Variants in USP3 observed in about 807,000 individuals in gnomAD.
USP3 encodes the protein ubiquitin specific peptidase 3.
Under a neutral mutation model 72.3 loss-of-function variants are expected in USP3, and 20 were observed. That is an observed-to-expected ratio of 0.28 (90% CI 0.19 to 0.40). The LOEUF (loss-of-function observed/expected upper bound fraction) is 0.40. USP3 is among the 10% of genes least tolerant of loss of function. The probability of loss-of-function intolerance (pLI) is 1.00; values close to 1 mark genes in which losing one functional copy is unlikely to be tolerated. For missense variants in USP3, 479 were observed against 633.9 expected (o/e 0.76, Z 2.62); for synonymous variants, 222 against 225.3 (o/e 0.99, Z 0.13).
intron 1 of USP3, among the ~76,000 whole-genome samples, chr15:63,526,056 T>C (rs1212382754): frequency 6.6e-6 from 1 of 152,216 alleles, no homozygotes; most frequent in African/African-American, 2.4e-5. Flanking sequence ...TCTTTAAATT[T>C]AAAACACTTT....
chr15:63,577,028 G>GTTTT (rs1005523098), intron 11 of USP3, among the ~76,000 whole-genome samples: 10 of 152,082 alleles, frequency 6.6e-5, no homozygotes, highest in African/African-American at 2.4e-4. Flanking sequence ...GTTAAGCTTA[G>GTTTT]TTTTCCTTTA....
intron 9 of USP3, among the ~76,000 whole-genome samples, chr15:63,572,727 T>A (rs1459747750): frequency 6.6e-6 from 1 of 152,202 alleles, no homozygotes; most frequent in African/African-American, 2.4e-5. Flanking sequence ...AGAAACTACC[T>A]TATATTGCTA....
chr15:63,521,197 G>C (rs1422387154), intron 1 of USP3, among the ~76,000 whole-genome samples: 1 of 149,314 alleles, frequency 6.7e-6, no homozygotes, highest in African/African-American at 2.5e-5. Context: ...ATGTTTGTAG[G>C]AATTTTCCTT....
chr15:63,594,611 T>C lies in USP3; in HGVS notation c.*3785T>C, dbSNP rs920832162. On this transcript the variant is annotated 3_prime_UTR_variant, in exon 15 of 15. Transcript: ENST00000380324. ...CCAACCTGAACTGTTTTTAAAAATATCATTAAAAGTCTGTTCTCTTTCCTT... is the reference window on the plus strand; with the variant it reads ...CCAACCTGAACTGTTTTTAAAAATACCATTAAAAGTCTGTTCTCTTTCCTT... 6.6e-6 allele frequency: 1 copy of C among 152,220 alleles called. No individual in the cohort carries two copies. Among genetic ancestry groups the C allele is most frequent in the African/African-American group, 2.4e-5 (1 of 41,456 alleles). The allele number at this position is 152,220 out of a possible 1,614,324, so 9.4% of individuals were successfully genotyped here.
chr15:63,519,522 G>A (rs193088521), intron 1 of USP3, among the ~76,000 whole-genome samples: 1 of 152,166 alleles, frequency 6.6e-6, no homozygotes, highest in East Asian at 1.9e-4. Flanking sequence ...TCAAGAGTTG[G>A]TCTGTCTTGT....
chr15:63,560,555 T>G (rs2066592287), intron 7 of USP3, among the ~76,000 whole-genome samples: 1 of 152,140 alleles, frequency 6.6e-6, no homozygotes, highest in Non-Finnish European at 1.5e-5. Flanking sequence ...TAGGTGTAGA[T>G]GACTATGAAT....
intron 1 of USP3, among the ~76,000 whole-genome samples, chr15:63,531,580 C>T (rs1304820382): frequency 2.0e-5 from 3 of 151,998 alleles, no homozygotes; most frequent in African/African-American, 4.8e-5. Context: ...TTTCCAGTTT[C>T]GGTTAATTTT....
At chr15:63,580,956 G>A (rs774178173) in intron 11 of USP3, among the ~76,000 whole-genome samples, 11 of 151,706 alleles carry the variant, frequency 7.3e-5, no homozygotes, top group African/African-American at 1.7e-4. Context: ...TTGCAGGCAC[G>A]AGCCACCATG....
At chr15:63,505,463 C>G (rs762470953) in intron 1 of USP3, among the ~76,000 whole-genome samples, 1 of 152,192 alleles carries the variant, frequency 6.6e-6, no homozygotes, top group Non-Finnish European at 1.5e-5. Context: ...AGTTTGAAAA[C>G]AGGCTGCGGG....
intron 1 of USP3, among the ~76,000 whole-genome samples, chr15:63,505,604 T>G (rs535879114): frequency 6.6e-6 from 1 of 152,252 alleles, no homozygotes; most frequent in African/African-American, 2.4e-5. Context: ...CTTATTAGAT[T>G]TATATAAGGC....
intron 4 of USP3, among the ~76,000 whole-genome samples, chr15:63,554,164 T>C (rs903126734): frequency 1.2e-4 from 19 of 152,156 alleles, no homozygotes; most frequent in Admixed American, 1.2e-3. Context: ...CCCTGTCAAA[T>C]GTATTATGAG....
chr15:63,589,175 T>C, intron 14 of USP3, 164 bp downstream of exon 14: 1 of 695,556 alleles, frequency 1.4e-6, no homozygotes. Flanking sequence ...TCAGATGATG[T>C]TGTGAAGGCT....
chr15:63,529,113 C>G lies in USP3; in HGVS notation c.92-3534C>G. ...CTCTAGGCTCAAGTGATTCTTCTGC[C>G]TCAGCCTCCCAAGTAGCTGGGACTA... On this transcript the variant is annotated intron_variant, in intron 1 of 14. Transcript: ENST00000380324. The surrounding 1 kb of genome is among the most constrained non-coding windows in gnomAD (Gnocchi z 4.2). 2 of 1,217,122 alleles carry G rather than the reference C, an allele frequency of 1.6e-6. No homozygotes were observed. The highest frequency in any genetic ancestry group is 2.2e-6 in the Non-Finnish European group (2 of 923,242). The allele number at this position is 1,217,122 out of a possible 1,614,324, so 75.4% of individuals were successfully genotyped here.
At chr15:63,535,983 C>T (rs939241177) in intron 2 of USP3, among the ~76,000 whole-genome samples, 4 of 152,154 alleles carry the variant, frequency 2.6e-5, no homozygotes, top group Admixed American at 6.5e-5. Context: ...AGGGTCTTCA[C>T]GTTGGTGGTT....
chr15:63,504,953 C>A, intron 1 of USP3, 123 bp downstream of exon 1: 1 of 690,150 alleles, frequency 1.4e-6, no homozygotes, highest in Non-Finnish European at 1.9e-6. Context: ...GAGCCGGGCC[C>A]GGCGGGCTGG....
chr15:63,549,522 C>G (rs1036037833), intron 3 of USP3, among the ~76,000 whole-genome samples: 1 of 152,320 alleles, frequency 6.6e-6, no homozygotes, highest in Admixed American at 6.5e-5. Context: ...TTATCCAAAT[C>G]AACAAAGCGT....
Position 63,556,000 on chromosome 15 carries a change from T to C in USP3, c.369-667T>C, listed in dbSNP as rs140938619. 1.7e-3 allele frequency among the ~76,000 whole-genome samples: 261 copies of C among 152,358 alleles called. 3 individuals carry two copies. In the East Asian group the frequency reaches 0.023, roughly 13 times the overall value. On this transcript the variant is annotated intron_variant, in intron 4 of 14. Coordinates refer to ENST00000380324, the MANE Select transcript of USP3 (RefSeq NM_006537.4). ...TTAATTTGCCTGAGACATAAAATTT[T>C]AAAGTGACCTTTTGAAAATAGAAAT...
At chr15:63,575,580 G>C (rs1379792213) in intron 11 of USP3, among the ~76,000 whole-genome samples, 1 of 152,184 alleles carries the variant, frequency 6.6e-6, no homozygotes, top group East Asian at 1.9e-4. Flanking sequence ...ACATTTTGTA[G>C]ATGCTCTTAG....
intron 3 of USP3, among the ~76,000 whole-genome samples, chr15:63,543,271 T>C (rs561724176): frequency 6.6e-6 from 1 of 152,244 alleles, no homozygotes; most frequent in East Asian, 1.9e-4. Context: ...GTTTACATGA[T>C]GGTCCTCAAA....
Sources: gnomAD v4.1 joint callset for allele counts (sites outside exome capture counted in the v4.1 genomes callset) on GRCh38, gnomAD v4.1.1 for gene constraint, Gnocchi (gnomAD v3.1) non-coding constraint, MANE v1.5 for transcripts, NCBI Gene and HGNC (gene_info 2026-07-23, HGNC 2026-07-21) for gene names.